ADD2: variants seen among roughly 807,000 people sequenced by gnomAD.
ADD2 encodes the protein adducin 2.
A neutral mutation model predicts 83.0 loss-of-function variants in ADD2; 23 were observed. The ratio of observed to expected loss-of-function variants is 0.28; its 90% CI spans 0.20 to 0.39. The LOEUF is 0.39. ADD2 is among the 10% of genes least tolerant of loss of function. ADD2 has a pLI of 1.00. For missense variants in ADD2, 758 were observed against 944.9 expected (o/e 0.80, Z 2.59); for synonymous variants, 375 against 375.4 (o/e 1.00, Z 0.01).
intron 1 of ADD2, among the ~76,000 whole-genome samples, chr2:70,736,648 A>G (rs1325850126): frequency 2.6e-5 from 4 of 152,208 alleles, no homozygotes; most frequent in Non-Finnish European, 5.9e-5. Flanking sequence ...AACTTCTAGA[A>G]CTTTTCATAT....
Position 70,683,696 on chromosome 2 carries a change from A to G in ADD2, c.1020T>C (p.His340=), listed in dbSNP as rs974106928. 1 of 1,614,120 alleles carries G rather than the reference A, an allele frequency of 6.2e-7. No individual in the cohort carries two copies. Among genetic ancestry groups the G allele is most frequent in the Non-Finnish European group, 8.5e-7 (1 of 1,179,994 alleles). ...ILLEQEKHRP[H]EVGSVQWAGS... is the part of the protein sequence containing the mutation. The stretch of plus-strand genomic sequence containing the variant: ...CGGCCCACTGCACGGAGCCCACCTC[A>G]TGGGGCCGGTGCTTCTCCTGCTCCA... Residue 340 remains histidine, a synonymous_variant, in exon 10 of 16, where the codon CAT becomes CAC. Transcript: ENST00000264436.
chr2:70,766,067 C>G (rs1463307218), intron 1 of ADD2, among the ~76,000 whole-genome samples: 1 of 152,164 alleles, frequency 6.6e-6, no homozygotes, highest in East Asian at 1.9e-4. Context: ...AAAACAAATT[C>G]AATCCAAGCC....
chr2:70,756,261 G>T lies in ADD2; in HGVS notation c.-154+11625C>A, dbSNP rs528885297. ...ATAGCATGCAGACACAGTTCTTTTT[G>T]GATTTATTAGCTTCAATCACTAGAT... On this transcript the variant is annotated intron_variant, in intron 1 of 15. Coordinates refer to ENST00000264436, the MANE Select transcript of ADD2 (RefSeq NM_001617.4). Among the ~76,000 whole-genome samples the T allele has an allele frequency of 2.1e-3, 321 of 152,000 alleles. 2 individuals carry two copies. The highest frequency in any genetic ancestry group is 7.5e-3 in the African/African-American group (313 of 41,480).
chr2:70,754,135 G>A (rs1674657082), intron 1 of ADD2, among the ~76,000 whole-genome samples: 2 of 152,156 alleles, frequency 1.3e-5, no homozygotes, highest in Non-Finnish European at 2.9e-5. Flanking sequence ...GAACTGCTAG[G>A]AGATCCCTCC....
At chr2:70,761,295 T>C (rs1163684119) in intron 1 of ADD2, among the ~76,000 whole-genome samples, 8 of 150,112 alleles carry the variant, frequency 5.3e-5, no homozygotes, top group South Asian at 2.1e-4. Flanking sequence ...AAAAAGTTAG[T>C]GGGGGTAGAT....
At position 70,702,381 on chromosome 2, in the gene ADD2, G is replaced by T. The variant is rs1340982095; in HGVS notation, c.322+1940C>A. ...AGGGTGTCACCATGTTGGCCGGGCT[G>T]GTCTCAAACTCCTGACCTCAGGTGA... On this transcript the variant is annotated intron_variant, in intron 4 of 15. Coordinates refer to ENST00000264436, the MANE Select transcript of ADD2 (RefSeq NM_001617.4). 3.3e-5 allele frequency among the ~76,000 whole-genome samples: 5 copies of T among 152,036 alleles called. No individual in the cohort carries two copies. In the East Asian group the frequency reaches 9.6e-4, roughly 29 times the overall value.
intron 1 of ADD2, among the ~76,000 whole-genome samples, chr2:70,719,261 C>T (rs968069442): frequency 5.9e-5 from 9 of 152,200 alleles, no homozygotes; most frequent in African/African-American, 2.2e-4. Flanking sequence ...AATCCTTCCA[C>T]TAAAATATCT....
At chr2:70,679,196 G>GA (rs1670334613) in intron 10 of ADD2, among the ~76,000 whole-genome samples, 1 of 152,098 alleles carries the variant, frequency 6.6e-6, no homozygotes, top group Non-Finnish European at 1.5e-5. Context: ...TCAGGGCTGA[G>GA]AAAATCCCTA....
intron 4 of ADD2, among the ~76,000 whole-genome samples, chr2:70,698,178 C>A (rs1671404362): frequency 6.6e-6 from 1 of 152,184 alleles, no homozygotes; most frequent in Admixed American, 6.5e-5. Context: ...TCTATATAGT[C>A]TATACCACAG....
intron 3 of ADD2, among the ~76,000 whole-genome samples, chr2:70,704,857 G>A (rs1164652516): frequency 4.6e-5 from 7 of 152,222 alleles, no homozygotes; most frequent in East Asian, 3.9e-4. Context: ...TGATTCTTTC[G>A]GGCTTCAGTT....
chr2:70,747,317 C>A (rs1484212179), intron 1 of ADD2, among the ~76,000 whole-genome samples: 2 of 152,014 alleles, frequency 1.3e-5, no homozygotes, highest in African/African-American at 4.8e-5. Context: ...GCCTAAGAGT[C>A]CAATATGGAT....
Position 70,761,515 on chromosome 2 carries a change from C to T in ADD2, c.-154+6371G>A, listed in dbSNP as rs1410180867. Among the ~76,000 whole-genome samples, 587 of 124,954 alleles carry T rather than the reference C, an allele frequency of 4.7e-3. 2 individuals are homozygous for T. The highest frequency in any genetic ancestry group is 0.017 in the African/African-American group (540 of 32,420). The allele number at this position is 124,954 out of a possible 152,430, so 82.0% of individuals were successfully genotyped here. ...CCCAGCTACTCAGGAGGCTGAGGCA[C>T]AAGAATCACTTGAACCCAGGAGACA... is the stretch of plus-strand genomic sequence containing the variant. On this transcript the variant is annotated intron_variant, in intron 1 of 15. Transcript: ENST00000264436.
At chr2:70,710,798 C>T (rs1013088605) in intron 2 of ADD2, among the ~76,000 whole-genome samples, 15 of 152,186 alleles carry the variant, frequency 9.9e-5, no homozygotes, top group African/African-American at 2.4e-4. Flanking sequence ...TACCTTGAAA[C>T]GTACTTGTGA....
chr2:70,712,214 C>A (rs568670493), intron 2 of ADD2, among the ~76,000 whole-genome samples: 1 of 152,036 alleles, frequency 6.6e-6, no homozygotes, highest in East Asian at 1.9e-4. Flanking sequence ...GAGGCCGAGG[C>A]GGATGGATCA....
At chr2:70,699,113 C>A (rs1028636833) in intron 4 of ADD2, among the ~76,000 whole-genome samples, 2 of 151,952 alleles carry the variant, frequency 1.3e-5, no homozygotes, top group Non-Finnish European at 1.5e-5. Flanking sequence ...ATTCCTTTCT[C>A]AGGAGGAAGA....
At chr2:70,709,363 A>G (rs7571189) in intron 2 of ADD2, among the ~76,000 whole-genome samples, 58,332 of 151,594 alleles carry the variant, frequency 0.38, 13,007 homozygotes, top group African/African-American at 0.63. Context: ...AAAGATTTTG[A>G]AACAGATTTG....
chr2:70,765,413 T>A (rs1235163677), intron 1 of ADD2, among the ~76,000 whole-genome samples: 1 of 143,830 alleles, frequency 7.0e-6, no homozygotes, highest in Non-Finnish European at 1.5e-5. Context: ...TCTGGCCATA[T>A]AATGTTTTGT....
At chr2:70,670,095 C>T (rs569495816) in intron 15 of ADD2, among the ~76,000 whole-genome samples, 10 of 152,258 alleles carry the variant, frequency 6.6e-5, no homozygotes, top group East Asian at 3.9e-4. Context: ...AACTAATTTC[C>T]GTAATACTAG....
chr2:70,766,428 A>C (rs1251680762), intron 1 of ADD2, among the ~76,000 whole-genome samples: 4 of 152,152 alleles, frequency 2.6e-5, no homozygotes, highest in African/African-American at 4.8e-5. Context: ...AATGGTCTAA[A>C]CCCCCCTTTT....
Sources: gnomAD v4.1 joint callset for allele counts (sites outside exome capture counted in the v4.1 genomes callset) on GRCh38, gnomAD v4.1.1 for gene constraint, MANE v1.5 for transcripts, NCBI Gene and HGNC (gene_info 2026-07-23, HGNC 2026-07-21) for gene names.